Variants in PLXNB2 observed in about 807,000 individuals in gnomAD.
PLXNB2 encodes plexin B2, also known as plexin-B2.
PLXNB2 carries 85 observed loss-of-function variants against 202.6 expected under a neutral mutation model. The ratio of observed to expected loss-of-function variants is 0.42; its 90% CI spans 0.35 to 0.50. PLXNB2 has a LOEUF of 0.50. Ranked by LOEUF, PLXNB2 falls within the 20% of genes least tolerant of loss-of-function variation. The pLI, the probability that PLXNB2 is intolerant of heterozygous loss-of-function variation, is 0.02. For synonymous variants in PLXNB2, 1,239 were observed against 1,137.6 expected, an observed-to-expected ratio of 1.09 and a Z score of -1.79; for missense variants, 2,063 against 2,586.2, an observed-to-expected ratio of 0.80 and a Z score of 4.39.
intron 2 of PLXNB2, among the ~76,000 whole-genome samples, chr22:50,293,971 C>G (rs1485044156): frequency 2.6e-5 from 4 of 152,246 alleles, no homozygotes; most frequent in Non-Finnish European, 5.9e-5. Context: ...TGGGGTGACA[C>G]CCTACAGGTG....
In PLXNB2 at chr22:50,281,375, G is replaced by A; in HGVS notation, c.3647C>T (p.Ser1216Phe). ...GCGGGCTCACCAGTAGCAGTAGACA[G>A]ACACCGCGATGACGACCACCATGGG... ...IVPMVVVIAV[S>F]VYCYWRKSQQ... Residue 1216 changes from serine to phenylalanine, a missense_variant, in exon 22 of 37, where the codon TCT becomes TTT. Ser to Phe is a radical substitution (Grantham distance 155, BLOSUM62 -2). This residue lies in a region of PLXNB2 where 760 missense variants were observed against 1,109.4 expected (regional missense o/e 0.69). Coordinates refer to ENST00000359337, the MANE Select transcript of PLXNB2 (RefSeq NM_012401.4). 1 of 1,612,184 alleles carries A rather than the reference G, an allele frequency of 6.2e-7. No individual in the cohort carries two copies. The highest frequency in any genetic ancestry group is 8.5e-7 in the Non-Finnish European group (1 of 1,179,748).
Position 50,282,286 on chromosome 22 carries a change from A to C in PLXNB2, c.3015T>G (p.Gly1005=). 1 of 1,611,502 alleles carries C rather than the reference A, an allele frequency of 6.2e-7. No homozygotes were observed. The highest frequency in any genetic ancestry group is 8.5e-7 in the Non-Finnish European group (1 of 1,179,264). ...ACCTCTGGATCAGGCTGAAGCCCTGACCCGTGACGTTGATGCTGCGGCCAC... is the reference window on the plus strand; with the variant it reads ...ACCTCTGGATCAGGCTGAAGCCCTGCCCCGTGACGTTGATGCTGCGGCCAC... ...ASGGRSINVT[G]QGFSLIQRFA... The change falls in exon 19 of 37, where the codon GGT becomes GGG. Residue 1005 remains glycine, a synonymous_variant. Transcript: ENST00000359337.
In PLXNB2 at chr22:50,288,221, A is replaced by G. The variant is rs1441329688; in HGVS notation, c.1381-184T>C. Reference sequence around the variant, plus strand: ...TGGCCATGCCTGGCCCAGGATCCCGATGGGAGCCCAGGGAAGCCTGGAGGT... The same window carrying G: ...TGGCCATGCCTGGCCCAGGATCCCGGTGGGAGCCCAGGGAAGCCTGGAGGT... On this transcript the variant is annotated intron_variant, in intron 5 of 36. Coordinates refer to ENST00000359337, the MANE Select transcript of PLXNB2 (RefSeq NM_012401.4). This position sits in a 1 kb window ranked among gnomAD's most constrained non-coding sequence, Gnocchi z 5.0. Among the ~76,000 whole-genome samples, 9 of 152,200 alleles carry G rather than the reference A, an allele frequency of 5.9e-5. No homozygotes were observed. Among genetic ancestry groups the G allele is most frequent in the Non-Finnish European group, 1.3e-4 (9 of 67,988 alleles).
chr22:50,292,775 C>T (rs1472778725), intron 2 of PLXNB2, among the ~76,000 whole-genome samples: 1 of 152,344 alleles, frequency 6.6e-6, no homozygotes, highest in African/African-American at 2.4e-5. Context: ...TTCCTGAAAT[C>T]TCTTGAGGTG....
Position 50,278,024 on chromosome 22 carries a change from G to T in PLXNB2, c.4888-11C>A, listed in dbSNP as rs1186984941. On this transcript the variant is annotated splice_polypyrimidine_tract_variant and intron_variant, in intron 31 of 36. Transcript: ENST00000359337. ...CTGCTGCAGTGTGCCCTGTGGGGGG[G>T]AGGGTCTCAGCGTGACGCCGTGGGC... The T allele has an allele frequency of 6.2e-7, 1 of 1,609,388 alleles. No individual in the cohort carries two copies. The highest frequency in any genetic ancestry group is 1.3e-5 in the African/African-American group (1 of 74,940).
At position 50,278,623 on chromosome 22, in the gene PLXNB2, C is replaced by T. The variant is rs772316395; in HGVS notation, c.4620G>A (p.Lys1540=). The part of the protein sequence containing the change: ...DLTSQREGRW[K]RVNTLMHYNV... ...TGTAGTGCATAAGGGTGTTGACGCG[C>T]TTCCACCGGCCCTCCCGCTGTGACG... Residue 1540 remains lysine, a synonymous_variant, in exon 29 of 37, where the codon AAG becomes AAA. Transcript: ENST00000359337. The T allele has an allele frequency of 1.9e-6, 3 of 1,613,060 alleles. No homozygotes were observed. Among genetic ancestry groups the T allele is most frequent in the Admixed American group, 3.3e-5 (2 of 60,004 alleles).
At chr22:50,301,861 G>C (rs909053543) in intron 1 of PLXNB2, among the ~76,000 whole-genome samples, 1 of 152,244 alleles carries the variant, frequency 6.6e-6, no homozygotes, top group Non-Finnish European at 1.5e-5. Context: ...AATTAGCTTG[G>C]GGCACCGCGC....
chr22:50,289,480 C>T lies in PLXNB2; in HGVS notation c.1068+37G>A, dbSNP rs375442094. 10 of 1,549,112 alleles carry T rather than the reference C, an allele frequency of 6.5e-6. No individual in the cohort carries two copies. In the African/African-American group the frequency reaches 9.6e-5, roughly 15 times the overall value. On this transcript the variant is annotated intron_variant, in intron 3 of 36. Coordinates refer to ENST00000359337, the MANE Select transcript of PLXNB2 (RefSeq NM_012401.4). The surrounding 1 kb of genome is among the most constrained non-coding windows in gnomAD (Gnocchi z 8.0). ...ACGCAAACCCACGAACGGACGCCTG[C>T]AGTCCGGGCCCTGCGAGAACACACT...
rs770010469 is a variant in PLXNB2 at position 50,281,481 on chromosome 22, C to T, written c.3541G>A (p.Glu1181Lys). 2.5e-6 allele frequency: 4 copies of T among 1,612,088 alleles called. No individual in the cohort carries two copies. The highest frequency in any genetic ancestry group is 1.1e-5 in the South Asian group (1 of 91,066). The change falls in exon 22 of 37, where the codon GAG becomes AAG. Residue 1181 changes from glutamate (E) to lysine (K), a missense_variant. This residue lies in a region of PLXNB2 where 760 missense variants were observed against 1,109.4 expected (regional missense o/e 0.69). Transcript: ENST00000359337. The stretch of plus-strand genomic sequence containing the variant: ...TACTCCACGCGGCCCAGCACCCACT[C>T]GCGAGAGCCGAACTTCACCTGTGTG... ...PEFIVKFGSR[E>K]WVLGRVEYDT...
intron 2 of PLXNB2, among the ~76,000 whole-genome samples, chr22:50,290,883 G>A (rs991710326): frequency 6.6e-6 from 1 of 152,174 alleles, no homozygotes; most frequent in East Asian, 1.9e-4. Context: ...TGAAAACACC[G>A]GCAGGCCTAT....
Position 50,278,576 on chromosome 22 carries a change from G to A in PLXNB2, c.4647+20C>T, listed in dbSNP as rs375761678. ...CCCCCAGGGTGCCCAGTTCTCGCCC[G>A]CCCCGGCCTACACGCTCACATTGTA... On this transcript the variant is annotated intron_variant, in intron 29 of 36. Coordinates refer to ENST00000359337, the MANE Select transcript of PLXNB2 (RefSeq NM_012401.4). 8.7e-6 allele frequency: 14 copies of A among 1,606,852 alleles called. No individual in the cohort carries two copies. The African/African-American group carries it at 1.1e-4, about 12-fold the overall frequency.
At chr22:50,279,804 A>G (rs746452150) in intron 26 of PLXNB2, 28 bp from the exon 27 acceptor site, 17 of 1,612,810 alleles carry the variant, frequency 1.1e-5, no homozygotes, top group Non-Finnish European at 1.4e-5. Context: ...GGAGGCTGGG[A>G]GGTCAGGGGA....
rs780823777 is a variant in PLXNB2, at chr22:50,278,295, AC to A, written c.4733-25del. The A allele has an allele frequency of 2.5e-6, 4 of 1,608,608 alleles. No individual in the cohort carries two copies. The East Asian group carries it at 8.9e-5, about 36-fold the overall frequency. On this transcript the variant is annotated intron_variant, in intron 30 of 36. Coordinates refer to ENST00000359337, the MANE Select transcript of PLXNB2 (RefSeq NM_012401.4). ...GCCTGTGGGGAGCGGGCACTGAGGG[AC>A]CCCTACCCAGGTCTGGGGGCCTGGG...
chr22:50,281,712 G>A lies in PLXNB2; in HGVS notation c.3376C>T (p.Gln1126Ter). 6.4e-7 allele frequency: 1 copy of A among 1,562,078 alleles called. No individual in the cohort carries two copies. The highest frequency in any genetic ancestry group is 8.7e-7 in the Non-Finnish European group (1 of 1,152,004). Residue 1126 changes from glutamine to a stop codon, truncating the protein, a stop_gained, in exon 21 of 37, where the codon CAG becomes TAG. Coordinates refer to ENST00000359337, the MANE Select transcript of PLXNB2 (RefSeq NM_012401.4). LOFTEE classifies it high-confidence loss of function. ...GTNLNKAMTL[Q>*]EAEAFVGAER... The stretch of plus-strand genomic sequence containing the variant: ...GCACCCACGAAGGCCTCGGCCTCCT[G>A]CAGCGTCATCGCCTTGTTCAGATTG...
intron 2 of PLXNB2, among the ~76,000 whole-genome samples, chr22:50,293,673 GA>G: frequency 6.6e-6 from 1 of 152,222 alleles, no homozygotes; most frequent in Admixed American, 6.5e-5. Flanking sequence ...ATCTGGCCCG[GA>G]CCGTGGTGGG....
At chr22:50,304,619 C>T (rs535355503) in intron 1 of PLXNB2, among the ~76,000 whole-genome samples, 293 of 152,164 alleles carry the variant, frequency 1.9e-3, no homozygotes, top group African/African-American at 6.9e-3. Context: ...GAAGCTAGGG[C>T]AGCTGCCTCC....
Position 50,291,231 on chromosome 22 carries a change from G to C in PLXNB2, c.-13-634C>G, listed in dbSNP as rs1007386620. On this transcript the variant is annotated intron_variant, in intron 2 of 36. Transcript: ENST00000359337. The surrounding 1 kb of genome is among the most constrained non-coding windows in gnomAD (Gnocchi z 4.3). ...CCCCTGCCCTGGTGAAACAGTGGAA[G>C]CCAGCAATCACCCACAGCTCCTCGC... Among the ~76,000 whole-genome samples, 1 of 152,220 alleles carries C rather than the reference G, an allele frequency of 6.6e-6. No individual in the cohort carries two copies. The highest frequency in any genetic ancestry group is 2.4e-5 in the African/African-American group (1 of 41,448).
intron 7 of PLXNB2, 52 bp downstream of exon 7, chr22:50,287,615 C>G (rs955087677): frequency 1.3e-6 from 2 of 1,490,948 alleles, no homozygotes; most frequent in African/African-American, 2.8e-5. Context: ...GGGGGAGCCC[C>G]CACCTGGCCC....
At chr22:50,304,564 A>C (rs1198116530) in intron 1 of PLXNB2, among the ~76,000 whole-genome samples, 4 of 152,218 alleles carry the variant, frequency 2.6e-5, no homozygotes, top group Non-Finnish European at 5.9e-5. Flanking sequence ...AGGGATGTGA[A>C]ACCACGGAAA....
Sources: gnomAD v4.1 joint callset for allele counts (sites outside exome capture counted in the v4.1 genomes callset) on GRCh38, gnomAD v4.1.1 for gene constraint, gnomAD v4.1.1 regional missense constraint, Gnocchi (gnomAD v3.1) non-coding constraint, MANE v1.5 for transcripts, NCBI Gene and HGNC (gene_info 2026-07-23, HGNC 2026-07-21) for gene names.